IL1RL1: variants seen among roughly 807,000 people sequenced by gnomAD.
IL1RL1 encodes interleukin 1 receptor like 1.
Under a neutral mutation model 50.9 loss-of-function variants are expected in IL1RL1, and 32 were observed. That is an observed-to-expected ratio of 0.63 (90% CI 0.47 to 0.84). The LOEUF (loss-of-function observed/expected upper bound fraction) is 0.84. IL1RL1 is among the 40% of genes least tolerant of loss of function. IL1RL1 has a pLI of 0.00. For synonymous variants in IL1RL1, 275 were observed against 236.0 expected (o/e 1.17, Z -1.51); for missense variants, 773 against 662.9 (o/e 1.17, Z -1.82).
Position 102,345,510 on chromosome 2 carries a change from CAT to C in IL1RL1, c.970+2096_970+2097del, listed in dbSNP as rs1024269216. 8 of 985,266 alleles carry C rather than the reference CAT, an allele frequency of 8.1e-6. No individual in the cohort carries two copies. The African/African-American group carries it at 1.2e-4, about 15-fold the overall frequency. 61.0% of individuals were successfully genotyped at this position (985,266 alleles called of 1,614,324 possible). A position where few individuals can be genotyped will look rare whatever the true frequency, so the allele number is the denominator to read the frequency against. On this transcript the variant is annotated intron_variant, in intron 8 of 10. Transcript: ENST00000233954. ...GAGTGTTAAACCCTGAGTTCCCACC[CAT>C]GTGTGTGGTATGGTTAGGATTCATC...
chr2:102,347,364 G>A (rs1399752216), intron 8 of IL1RL1, among the ~76,000 whole-genome samples: 2 of 152,194 alleles, frequency 1.3e-5, no homozygotes, highest in African/African-American at 4.8e-5. Flanking sequence ...CAAGTCTCCA[G>A]TGCTCCTGTG....
intron 10 of IL1RL1, among the ~76,000 whole-genome samples, 160 bp from the exon 11 acceptor site, chr2:102,351,376 C>T (rs771630642): frequency 6.6e-6 from 1 of 152,238 alleles, no homozygotes; most frequent in East Asian, 1.9e-4. Context: ...AAGAACAAAA[C>T]GGGTTCTCTA....
intron 8 of IL1RL1, chr2:102,343,696 C>A (rs1677673438): frequency 5.2e-6 from 7 of 1,347,508 alleles, no homozygotes; most frequent in Non-Finnish European, 6.7e-6. Flanking sequence ...TGTTTTCTAA[C>A]TTTATGAACT....
chr2:102,326,417 A>C lies in IL1RL1; in HGVS notation c.-149-11699A>C, dbSNP rs376840488. On this transcript the variant is annotated intron_variant, in intron 1 of 10. Transcript: ENST00000233954. ...AAAAACATGCCAAATTGTAAAGACC[A>C]TCAAGGCTAGGAAGAAAATGCATCA... Among the ~76,000 whole-genome samples, 151 of 152,296 alleles carry C rather than the reference A, an allele frequency of 9.9e-4. 7 individuals are homozygous for C. In the South Asian group the frequency reaches 0.031, roughly 31 times the overall value.
intron 8 of IL1RL1, among the ~76,000 whole-genome samples, chr2:102,346,354 G>A (rs1051863005): frequency 4.6e-5 from 7 of 152,136 alleles, no homozygotes; most frequent in African/African-American, 1.4e-4. Context: ...TGAATAACTT[G>A]CGAAATACTA....
At chr2:102,351,406 C>G in intron 10 of IL1RL1, 130 bp from the exon 11 acceptor site, 1 of 811,420 alleles carries the variant, frequency 1.2e-6, no homozygotes, top group South Asian at 1.9e-5. Context: ...ACTTCCACTT[C>G]TCTGAGTAAG....
At chr2:102,350,120 T>C (rs1357574249) in intron 10 of IL1RL1, among the ~76,000 whole-genome samples, 1 of 66,170 alleles carries the variant, frequency 1.5e-5, no homozygotes, top group Non-Finnish European at 3.1e-5. Context: ...TTTAGGAGAA[T>C]CTAATGCATT....
intron 9 of IL1RL1, 59 bp from the exon 10 acceptor site, chr2:102,349,020 A>C: frequency 1.5e-6 from 2 of 1,305,252 alleles, no homozygotes; most frequent in Admixed American, 1.7e-5. Context: ...GTCTTCAAAG[A>C]GTCCAGTGAG....
chr2:102,334,409 C>T (rs978745670), intron 1 of IL1RL1, among the ~76,000 whole-genome samples: 1 of 152,046 alleles, frequency 6.6e-6, no homozygotes, highest in African/African-American at 2.4e-5. Context: ...AGCACTTTGC[C>T]CACAGCTACA....
chr2:102,319,175 A>C (rs1432244738), intron 1 of IL1RL1, among the ~76,000 whole-genome samples: 2 of 151,590 alleles, frequency 1.3e-5, no homozygotes, highest in Non-Finnish European at 2.9e-5. Context: ...CATTTCTTAC[A>C]CTTTTTTTTT....
chr2:102,323,952 T>C (rs6706844), intron 1 of IL1RL1, among the ~76,000 whole-genome samples: 79,664 of 151,506 alleles, frequency 0.53, 21,210 homozygotes, highest in Middle Eastern at 0.65. Context: ...GACGATATAA[T>C]ATGCATTCTT....
chr2:102,342,635 T>C (rs112837213), intron 6 of IL1RL1, among the ~76,000 whole-genome samples: 2,257 of 152,330 alleles, frequency 0.015, 64 homozygotes, highest in African/African-American at 0.051. Context: ...AACATGTTTA[T>C]CTTCAAAGTA....
chr2:102,324,975 A>G (rs2104967948), intron 1 of IL1RL1, among the ~76,000 whole-genome samples: 1 of 152,278 alleles, frequency 6.6e-6, no homozygotes, highest in East Asian at 1.9e-4. Context: ...GACTTAAATG[A>G]ACCTGTCTGA....
chr2:102,343,559 G>A, intron 8 of IL1RL1, 144 bp downstream of exon 8: 1 of 1,549,508 alleles, frequency 6.5e-7, no homozygotes, highest in Admixed American at 1.8e-5. Context: ...GATGTTGTTT[G>A]CTGTCTGATC....
intron 8 of IL1RL1, 105 bp downstream of exon 8, chr2:102,343,520 G>A: frequency 6.3e-7 from 1 of 1,598,942 alleles, no homozygotes; most frequent in Non-Finnish European, 8.5e-7. Context: ...GGAATGGCCT[G>A]TGCCATAAAA....
intron 1 of IL1RL1, among the ~76,000 whole-genome samples, chr2:102,314,627 C>T (rs551579139): frequency 1.3e-5 from 2 of 152,110 alleles, no homozygotes; most frequent in African/African-American, 4.8e-5. Context: ...ATTTTGAGCC[C>T]ATTCTATGAT....
chr2:102,330,040 A>G (rs1324444013), intron 1 of IL1RL1, among the ~76,000 whole-genome samples: 5 of 152,206 alleles, frequency 3.3e-5, no homozygotes, highest in Admixed American at 1.3e-4. Context: ...ACATGCATAT[A>G]TATGTTTATA....
At chr2:102,347,182 C>T (rs1232505267) in intron 8 of IL1RL1, among the ~76,000 whole-genome samples, 1 of 152,230 alleles carries the variant, frequency 6.6e-6, no homozygotes, top group African/African-American at 2.4e-5. Flanking sequence ...ATGCCTTCTC[C>T]TTAATGCCCT....
intron 1 of IL1RL1, among the ~76,000 whole-genome samples, chr2:102,318,335 G>T (rs78382276): frequency 6.6e-6 from 1 of 152,224 alleles, no homozygotes; most frequent in African/African-American, 2.4e-5. Flanking sequence ...GGTGGCTTGA[G>T]ATTGATGTGC....
Sources: gnomAD v4.1 joint callset for allele counts (sites outside exome capture counted in the v4.1 genomes callset) on GRCh38, gnomAD v4.1.1 for gene constraint, MANE v1.5 for transcripts, NCBI Gene and HGNC (gene_info 2026-07-23, HGNC 2026-07-21) for gene names.